MAGEA11: variants seen among roughly 807,000 people sequenced by gnomAD.
The protein encoded by MAGEA11 is melanoma-associated antigen 11.
MAGEA11 carries 1 observed loss-of-function variant against 8.4 expected under a neutral mutation model. The observed-to-expected ratio is 0.12, with a 90% confidence interval of 0.04 to 0.57. The LOEUF is 0.57. Among genes scored for constraint, MAGEA11 ranks in the 20% least tolerant of loss-of-function variants. The pLI is 0.91. For missense variants in MAGEA11, 209 were observed against 317.3 expected (o/e 0.66, Z 2.59); for synonymous variants, 127 against 119.3 (o/e 1.06, Z -0.42).
At chrX:149,697,008 C>T (rs1465794183) in intron 1 of MAGEA11, among the ~76,000 whole-genome samples, 4 of 111,608 alleles carry the variant, frequency 3.6e-5, no homozygotes, top group Admixed American at 9.5e-5. Flanking sequence ...TTGTCCTCTA[C>T]GTGTTTCTCT....
At chrX:149,712,644 AC>A (rs1442545622) in intron 1 of MAGEA11, among the ~76,000 whole-genome samples, 4 of 111,394 alleles carry the variant, frequency 3.6e-5, no homozygotes, top group African/African-American at 1.3e-4. Context: ...CAGATAGAGG[AC>A]CCCAGATAAT....
Position 149,715,620 on chromosome X carries a change from C to T in MAGEA11, c.209C>T (p.Ala70Val), listed in dbSNP as rs782311651. The stretch of plus-strand genomic sequence containing the variant: ...CTTTTTCAGGTTTTTAGAGAACAGG[C>T]CAACCTGGAGGACAGGAGTCCCAGG... ...LPRVQVFREQ[A>V]NLEDRSPRRT... The change falls in exon 4 of 5, where the codon GCC (alanine) becomes GTC (valine). Residue 70 changes from alanine (A) to valine (V), a missense_variant. Ala to Val is a moderately conservative substitution (Grantham distance 64, BLOSUM62 0). Transcript: ENST00000355220. 2.5e-6 allele frequency: 3 copies of T among 1,206,081 alleles called. No homozygotes were observed. The highest frequency in any genetic ancestry group is 2.2e-6 in the Non-Finnish European group (2 of 892,285).
chrX:149,715,605 T>A lies in MAGEA11; in HGVS notation c.194T>A (p.Val65Asp). 8.3e-7 allele frequency: 1 copy of A among 1,201,011 alleles called. No individual in the cohort carries two copies. Among genetic ancestry groups the A allele is most frequent in the Non-Finnish European group, 1.1e-6 (1 of 886,619 alleles). ...QWSQDLPRVQ[V>D]FREQANLEDR... ...CAGCCTTCTCACTTCCTTTTTCAGG[T>A]TTTTAGAGAACAGGCCAACCTGGAG... Residue 65 changes from valine (V) to aspartate (D), a missense_variant and splice_region_variant, in exon 4 of 5, where the codon GTT (valine) becomes GAT (aspartate). Val to Asp is a radical substitution (Grantham distance 152). Transcript: ENST00000355220.
intron 1 of MAGEA11, among the ~76,000 whole-genome samples, chrX:149,689,692 G>A (rs1373725080): frequency 8.9e-6 from 1 of 112,244 alleles, no homozygotes; most frequent in Non-Finnish European, 1.9e-5. Context: ...CCCTGCACAG[G>A]CACATATCTA....
chrX:149,701,965 C>T (rs782714003), intron 1 of MAGEA11, among the ~76,000 whole-genome samples: 44 of 111,582 alleles, frequency 3.9e-4, no homozygotes, highest in Admixed American at 2.4e-3. Flanking sequence ...TTTTGGTTAC[C>T]GTAGCCTTGT....
intron 1 of MAGEA11, among the ~76,000 whole-genome samples, chrX:149,697,641 T>C (rs57116144): frequency 0.068 from 7,499 of 110,140 alleles, 476 homozygotes; most frequent in East Asian, 0.27. Flanking sequence ...TCAGGACTCC[T>C]GGCTGGCTTG....
chrX:149,710,301 A>C (rs2090394131), upstream of MAGEA11, among the ~76,000 whole-genome samples: 1 of 112,601 alleles, frequency 8.9e-6, no homozygotes, highest in Non-Finnish European at 1.9e-5. Flanking sequence ...AGAGCACCCA[A>C]ATAAACAAGG....
chrX:149,694,670 T>G (rs1430076242), intron 1 of MAGEA11, among the ~76,000 whole-genome samples: 3 of 112,136 alleles, frequency 2.7e-5, no homozygotes, highest in Non-Finnish European at 5.6e-5. Flanking sequence ...TTCCTTTTTC[T>G]TTCTTTCTTT....
At chrX:149,706,819 C>T (rs2090379470) in intron 1 of MAGEA11, among the ~76,000 whole-genome samples, 1 of 111,887 alleles carries the variant, frequency 8.9e-6, no homozygotes, top group South Asian at 3.7e-4. Context: ...AAGGAAACCC[C>T]AAATCCCAAC....
In MAGEA11 at chrX:149,716,847, T is replaced by C. The variant is rs782782733; in HGVS notation, c.*71T>C. On this transcript the variant is annotated 3_prime_UTR_variant, in exon 5 of 5. Coordinates refer to ENST00000355220, the MANE Select transcript of MAGEA11 (RefSeq NM_005366.5). Reference sequence around the variant, plus strand: ...CATGCTTCAGGGCCACACCCAGCAGTTTCCCTGTCCTGTGTGAAATCAGGC... The same window carrying C: ...CATGCTTCAGGGCCACACCCAGCAGCTTCCCTGTCCTGTGTGAAATCAGGC... 9.8e-7 allele frequency: 1 copy of C among 1,017,081 alleles called. No homozygotes were observed. The highest frequency in any genetic ancestry group is 1.9e-5 in the African/African-American group (1 of 52,244). 83.8% of individuals were successfully genotyped at this position (1,017,081 alleles called of 1,213,427 possible).
intron 1 of MAGEA11, among the ~76,000 whole-genome samples, chrX:149,704,484 A>G (rs1203122728): frequency 1.8e-5 from 2 of 112,584 alleles, no homozygotes; most frequent in Non-Finnish European, 3.8e-5. Context: ...ACAAAGAAGT[A>G]CGTAACACAG....
chrX:149,695,619 A>T, intron 1 of MAGEA11, among the ~76,000 whole-genome samples: 1 of 112,108 alleles, frequency 8.9e-6, no homozygotes, highest in East Asian at 2.8e-4. Context: ...AAGAATATCT[A>T]CAAATGGCCA....
At chrX:149,704,536 C>G (rs1327789890) in intron 1 of MAGEA11, among the ~76,000 whole-genome samples, 2 of 112,145 alleles carry the variant, frequency 1.8e-5, no homozygotes, top group Non-Finnish European at 3.8e-5. Context: ...AAAGGGATCC[C>G]AGAGATAAAT....
chrX:149,689,701 T>C (rs185489224), intron 1 of MAGEA11, among the ~76,000 whole-genome samples: 15 of 112,401 alleles, frequency 1.3e-4, no homozygotes, highest in Admixed American at 1.2e-3. Context: ...GGCACATATC[T>C]ATGTGGATGC....
chrX:149,711,177 C>A (rs2090398605), upstream of MAGEA11, among the ~76,000 whole-genome samples: 1 of 111,681 alleles, frequency 9.0e-6, no homozygotes, highest in African/African-American at 3.3e-5. Context: ...TAAAAATTAT[C>A]GTTTTAATTG....
chrX:149,689,266 C>T (rs1305622911), intron 1 of MAGEA11, among the ~76,000 whole-genome samples: 3 of 110,967 alleles, frequency 2.7e-5, no homozygotes, highest in Non-Finnish European at 3.8e-5. Flanking sequence ...ATGGTACACA[C>T]TTCCTTGTTA....
At chrX:149,690,080 C>G (rs2090304124) in intron 1 of MAGEA11, among the ~76,000 whole-genome samples, 1 of 111,793 alleles carries the variant, frequency 8.9e-6, no homozygotes, top group Admixed American at 9.5e-5. Flanking sequence ...CATCACCAAA[C>G]AGCACTATGG....
intron 1 of MAGEA11, among the ~76,000 whole-genome samples, chrX:149,694,270 G>A (rs1184645712): frequency 3.6e-5 from 4 of 112,331 alleles, no homozygotes. Context: ...TGTATGTAAA[G>A]TGGTATCTCA....
At chrX:149,715,724 G>A (rs782793948) in intron 4 of MAGEA11, 29 bp from the exon 5 acceptor site, 89 of 1,199,012 alleles carry the variant, frequency 7.4e-5, no homozygotes, top group Non-Finnish European at 1.0e-4. Context: ...TCTCATCTGA[G>A]TCTGTTCTCA....
Sources: gnomAD v4.1 joint callset for allele counts (sites outside exome capture counted in the v4.1 genomes callset) on GRCh38, gnomAD v4.1.1 for gene constraint, MANE v1.5 for transcripts, NCBI Gene and HGNC (gene_info 2026-07-23, HGNC 2026-07-21) for gene names.